ABCC12: variants seen among roughly 807,000 people sequenced by gnomAD.
ABCC12 encodes the protein ATP binding cassette subfamily C member 12.
In ABCC12, 142 loss-of-function variants were observed where a neutral mutation model predicts 151.1. The observed-to-expected ratio is 0.94, with a 90% CI of 0.82 to 1.08. ABCC12 has a LOEUF of 1.08. Among genes scored for constraint, ABCC12 ranks in the 50% least tolerant of loss-of-function variants. ABCC12 has a pLI of 0.00. For synonymous variants in ABCC12, 645 were observed against 646.4 expected (o/e 1.00, Z 0.03); for missense variants, 1,638 against 1,691.1 (o/e 0.97, Z 0.55).
Position 48,083,313 on chromosome 16 carries a change from T to C in ABCC12, c.*402A>G, listed in dbSNP as rs1962425852. The C allele has an allele frequency of 5.6e-6, 1 of 179,478 alleles. No individual in the cohort carries two copies. Among genetic ancestry groups the C allele is most frequent in the South Asian group, 1.6e-4 (1 of 6,068 alleles). 11.1% of individuals were successfully genotyped at this position (179,478 alleles called of 1,614,324 possible). The stretch of plus-strand genomic sequence containing the variant: ...ATTCTGCTCTTTTTCCTTCTGATAA[T>C]GGGCAAGGAAACCTTGCAAACTCCA... On this transcript the variant is annotated 3_prime_UTR_variant, in exon 31 of 31. Coordinates refer to ENST00000311303, the MANE Select transcript of ABCC12 (RefSeq NM_001393797.1).
intron 1 of ABCC12, among the ~76,000 whole-genome samples, 181 bp downstream of exon 1, chr16:48,155,660 G>A (rs373770084): frequency 6.6e-6 from 1 of 152,222 alleles, no homozygotes; most frequent in African/African-American, 2.4e-5. Flanking sequence ...TCTTCTGGGA[G>A]CCTCGTCCCT....
intron 9 of ABCC12, 74 bp from the exon 10 acceptor site, chr16:48,130,969 G>T: frequency 1.0e-6 from 1 of 984,656 alleles, no homozygotes; most frequent in Non-Finnish European, 1.6e-6. Context: ...TACACATGGG[G>T]TTTAAACTTG....
At chr16:48,089,779 G>A (rs1962800589) in intron 25 of ABCC12, among the ~76,000 whole-genome samples, 1 of 152,190 alleles carries the variant, frequency 6.6e-6, no homozygotes, top group South Asian at 2.1e-4. Context: ...GGTGTTTCAA[G>A]TATTCACAAT....
At position 48,116,228 on chromosome 16, in the gene ABCC12, C is replaced by A. The variant is rs150796419; in HGVS notation, c.1786-610G>T. Among the ~76,000 whole-genome samples the A allele has an allele frequency of 2.9e-3, 448 of 152,260 alleles. 4 individuals carry two copies. The highest frequency in any genetic ancestry group is 7.1e-3 in the Admixed American group (108 of 15,296). Reference sequence around the variant, plus strand: ...CTGTAGGTGATTCTATCCAATGGAACCCAAAGTGAACCCCAGGTGTTCAGC... The same window carrying A: ...CTGTAGGTGATTCTATCCAATGGAAACCAAAGTGAACCCCAGGTGTTCAGC... On this transcript the variant is annotated intron_variant, in intron 14 of 30. Coordinates refer to ENST00000311303, the MANE Select transcript of ABCC12 (RefSeq NM_001393797.1).
chr16:48,121,901 C>T (rs1032317240), intron 12 of ABCC12, 61 bp from the exon 13 acceptor site: 7 of 1,604,482 alleles, frequency 4.4e-6, no homozygotes, highest in African/African-American at 1.3e-5. Context: ...TCCTCAAATG[C>T]CCATTGCACC....
At position 48,110,024 on chromosome 16, in the gene ABCC12, G is replaced by A. The variant is rs117418047; in HGVS notation, c.2281+1412C>T. Among the ~76,000 whole-genome samples the A allele has an allele frequency of 2.8e-3, 423 of 152,344 alleles. 3 individuals carry two copies. The highest frequency in any genetic ancestry group is 0.02 in the East Asian group (103 of 5,188). ...TCCTCTCCAGAGAGGGGTGAGTGATGAGGAAGTGAGGAGCAGAGATTACTC... is the reference window on the plus strand; with the variant it reads ...TCCTCTCCAGAGAGGGGTGAGTGATAAGGAAGTGAGGAGCAGAGATTACTC... On this transcript the variant is annotated intron_variant, in intron 18 of 30. Coordinates refer to ENST00000311303, the MANE Select transcript of ABCC12 (RefSeq NM_001393797.1).
intron 11 of ABCC12, among the ~76,000 whole-genome samples, chr16:48,124,676 T>TTCAAA: frequency 6.6e-6 from 1 of 152,350 alleles, no homozygotes. Flanking sequence ...CCAGGGGGAC[T>TTCAAA]AGGGTAGCTT....
At chr16:48,093,936 G>A (rs1368592888) in intron 24 of ABCC12, among the ~76,000 whole-genome samples, 1 of 152,158 alleles carries the variant, frequency 6.6e-6, no homozygotes, top group African/African-American at 2.4e-5. Flanking sequence ...ATCTCAAGTG[G>A]AGTGCTGTCA....
intron 8 of ABCC12, among the ~76,000 whole-genome samples, chr16:48,137,252 T>G (rs1295343492): frequency 6.6e-6 from 1 of 152,226 alleles, no homozygotes; most frequent in East Asian, 1.9e-4. Flanking sequence ...ATTTTTGAGC[T>G]AAGTTATCTT....
chr16:48,089,811 G>A (rs1962801848), intron 25 of ABCC12, among the ~76,000 whole-genome samples: 2 of 152,214 alleles, frequency 1.3e-5, no homozygotes, highest in South Asian at 2.1e-4. Context: ...ACTTGGGCTT[G>A]TGACTCTAAT....
intron 25 of ABCC12, 52 bp downstream of exon 25, chr16:48,091,068 A>G: frequency 1.9e-6 from 3 of 1,565,156 alleles, no homozygotes; most frequent in East Asian, 2.2e-5. Flanking sequence ...GTATTTGCCC[A>G]AGTCCTGCCA....
chr16:48,133,948 T>C lies in ABCC12; in HGVS notation c.980-113A>G. 3.1e-6 allele frequency: 4 copies of C among 1,291,272 alleles called. No individual in the cohort carries two copies. In the East Asian group the frequency reaches 7.3e-5, roughly 24 times the overall value. 80.0% of individuals were successfully genotyped at this position (1,291,272 alleles called of 1,614,324 possible). A position where few individuals can be genotyped will look rare whatever the true frequency, so the allele number is the denominator to read the frequency against. ...TCCAGATGGGCGCTCATGAGTCCTG[T>C]TGTGAAGTTTAAATGAGAGGAACCA... On this transcript the variant is annotated intron_variant, in intron 8 of 30. Transcript: ENST00000311303.
chr16:48,126,617 C>T (rs1964249061), intron 11 of ABCC12, among the ~76,000 whole-genome samples: 1 of 152,190 alleles, frequency 6.6e-6, no homozygotes, highest in East Asian at 1.9e-4. Flanking sequence ...AGTTCCCCCA[C>T]CACCTTGTGA....
intron 9 of ABCC12, among the ~76,000 whole-genome samples, chr16:48,131,382 G>A (rs548897447): frequency 1.3e-5 from 2 of 152,206 alleles, no homozygotes; most frequent in African/African-American, 4.8e-5. Flanking sequence ...TTGCCCCTGG[G>A]GGAAGCTGGA....
chr16:48,148,484 G>T (rs1965071431), intron 2 of ABCC12, among the ~76,000 whole-genome samples: 1 of 151,980 alleles, frequency 6.6e-6, no homozygotes, highest in Non-Finnish European at 1.5e-5. Flanking sequence ...CAATCTGCCT[G>T]CTTCAGCCTC....
chr16:48,108,384 A>G, intron 19 of ABCC12, 56 bp downstream of exon 19: 1 of 1,497,110 alleles, frequency 6.7e-7, no homozygotes, highest in Non-Finnish European at 9.3e-7. Flanking sequence ...CAACAGTTTA[A>G]GACAGGATTT....
intron 13 of ABCC12, 85 bp from the exon 14 acceptor site, chr16:48,117,418 G>A (rs903116233): frequency 6.8e-6 from 10 of 1,465,584 alleles, no homozygotes; most frequent in Non-Finnish European, 9.4e-6. Flanking sequence ...CGCTGCTGGT[G>A]TTGCTGGGGC....
At chr16:48,129,625 T>C (rs548179544) in intron 10 of ABCC12, among the ~76,000 whole-genome samples, 5 of 152,300 alleles carry the variant, frequency 3.3e-5, no homozygotes, top group African/African-American at 1.2e-4. Context: ...TGAGAATAAG[T>C]ATTGGTAATC....
rs1963518232 is a variant in ABCC12 at position 48,107,094 on chromosome 16, C to A, written c.2475+228G>T. Among the ~76,000 whole-genome samples the A allele has an allele frequency of 2.6e-5, 4 of 152,270 alleles. No individual in the cohort carries two copies. The South Asian group carries it at 8.3e-4, about 32-fold the overall frequency. On this transcript the variant is annotated intron_variant, in intron 20 of 30. Transcript: ENST00000311303. The stretch of plus-strand genomic sequence containing the variant: ...TGGGGCACAGTCTTCTTTAGTCAAC[C>A]CTTTAAAATCTGAAAGTGGTGTCTA...
Sources: gnomAD v4.1 joint callset for allele counts (sites outside exome capture counted in the v4.1 genomes callset) on GRCh38, gnomAD v4.1.1 for gene constraint, MANE v1.5 for transcripts, NCBI Gene and HGNC (gene_info 2026-07-23, HGNC 2026-07-21) for gene names.